IMPG1: variants seen among roughly 807,000 people sequenced by gnomAD.
The protein encoded by IMPG1 is interphotoreceptor matrix proteoglycan 1.
IMPG1 carries 85 observed loss-of-function variants against 92.0 expected under a neutral mutation model. The observed-to-expected ratio is 0.92, with a 90% CI of 0.78 to 1.11. The LOEUF (loss-of-function observed/expected upper bound fraction) is 1.11, where lower values mean the gene tolerates loss of function less well. Among genes scored for constraint, IMPG1 ranks in the 50% least tolerant of loss-of-function variants. The probability of loss-of-function intolerance (pLI) is 0.00; values close to 1 mark genes in which losing one functional copy is unlikely to be tolerated. For missense variants in IMPG1, 1,022 were observed against 956.0 expected (o/e 1.07, Z -0.91); for synonymous variants, 367 against 334.1 (o/e 1.10, Z -1.08).
In IMPG1 at chr6:76,072,536, T is replaced by A. The variant is rs972272746; in HGVS notation, c.-48A>T. The A allele has an allele frequency of 9.6e-7, 1 of 1,043,040 alleles. No homozygotes were observed. Among genetic ancestry groups the A allele is most frequent in the South Asian group, 1.4e-5 (1 of 71,282 alleles). The allele number at this position is 1,043,040 out of a possible 1,614,324, so 64.6% of individuals were successfully genotyped here. A position where few individuals can be genotyped will look rare whatever the true frequency, so the allele number is the denominator to read the frequency against. Reference sequence around the variant, plus strand: ...TTCTGATAACAATCACAGAACAACCTCAAATCTCATTAAAAAGTAACAGAA... The same window carrying A: ...TTCTGATAACAATCACAGAACAACCACAAATCTCATTAAAAAGTAACAGAA... On this transcript the variant is annotated 5_prime_UTR_variant, in exon 1 of 17. Transcript: ENST00000369950.
chr6:76,038,366 T>G (rs1401938602), intron 2 of IMPG1, among the ~76,000 whole-genome samples: 1 of 152,206 alleles, frequency 6.6e-6, no homozygotes, highest in Non-Finnish European at 1.5e-5. Flanking sequence ...ATGGGAATCA[T>G]AATGTTAAGG....
chr6:76,003,537 AAAT>A (rs1166647628), intron 11 of IMPG1, among the ~76,000 whole-genome samples: 3 of 152,210 alleles, frequency 2.0e-5, no homozygotes, highest in Non-Finnish European at 4.4e-5. Context: ...TCTGAAAGTC[AAAT>A]AATATGTTCT....
intron 7 of IMPG1, among the ~76,000 whole-genome samples, chr6:76,013,480 A>G (rs1041003283): frequency 1.3e-5 from 2 of 152,122 alleles, no homozygotes; most frequent in Non-Finnish European, 2.9e-5. Context: ...TTTCAAAGCC[A>G]GCTCAGACAT....
chr6:76,063,689 T>TGTG (rs1236398675), intron 1 of IMPG1, among the ~76,000 whole-genome samples: 1 of 152,196 alleles, frequency 6.6e-6, no homozygotes, highest in Non-Finnish European at 1.5e-5. Flanking sequence ...ATCTCAGCCC[T>TGTG]TGTGTTTCCA....
chr6:76,044,423 C>A (rs1048924922), intron 1 of IMPG1, among the ~76,000 whole-genome samples: 35 of 152,162 alleles, frequency 2.3e-4, no homozygotes, highest in African/African-American at 7.5e-4. Context: ...GCCTGCCCTT[C>A]TCCATTCTTC....
At chr6:76,067,709 AC>A (rs1379449672) in intron 1 of IMPG1, among the ~76,000 whole-genome samples, 1 of 152,132 alleles carries the variant, frequency 6.6e-6, no homozygotes, top group Non-Finnish European at 1.5e-5. Flanking sequence ...TCACCCTGAT[AC>A]CAAAGCCAGG....
chr6:75,981,680 C>T (rs1025221701), intron 12 of IMPG1, among the ~76,000 whole-genome samples: 1 of 152,194 alleles, frequency 6.6e-6, no homozygotes, highest in Non-Finnish European at 1.5e-5. Context: ...TAATCACTTC[C>T]TGCGTCAAAG....
chr6:76,058,732 T>C (rs1384002896), intron 1 of IMPG1, among the ~76,000 whole-genome samples: 2 of 152,158 alleles, frequency 1.3e-5, no homozygotes, highest in Admixed American at 6.6e-5. Context: ...GAATCAGATA[T>C]AAATATGACT....
chr6:76,038,615 A>C (rs970404944), intron 2 of IMPG1, among the ~76,000 whole-genome samples: 8 of 152,166 alleles, frequency 5.3e-5, no homozygotes, highest in Non-Finnish European at 1.0e-4. Flanking sequence ...AAAACTTCTC[A>C]AAATTGGATT....
chr6:75,987,215 T>C (rs774688620), intron 12 of IMPG1, among the ~76,000 whole-genome samples: 52 of 151,932 alleles, frequency 3.4e-4, no homozygotes, highest in Non-Finnish European at 6.6e-4. Context: ...GAGCTGAAAT[T>C]CAGCCAAGGC....
intron 12 of IMPG1, among the ~76,000 whole-genome samples, chr6:75,975,328 G>A (rs1184291602): frequency 6.6e-6 from 1 of 152,200 alleles, no homozygotes; most frequent in African/African-American, 2.4e-5. Context: ...AGTCAGTTCT[G>A]ATCAGGACAT....
chr6:75,980,171 T>C (rs894267057), intron 12 of IMPG1, among the ~76,000 whole-genome samples: 25 of 152,094 alleles, frequency 1.6e-4, no homozygotes, highest in Admixed American at 1.5e-3. Context: ...GAAGGAGAAA[T>C]TGGATTTATG....
chr6:75,974,372 TTTCTTTCTTTCTTTCTTTCTTTTC>T (rs1404176453), intron 12 of IMPG1, among the ~76,000 whole-genome samples: 3 of 103,082 alleles, frequency 2.9e-5, no homozygotes, highest in African/African-American at 1.0e-4. Flanking sequence ...TCTTTCTTTC[TTTCTTTCTTTCTTTCTTTCTTTTC>T]TTTCTTTCCT....
chr6:75,947,851 A>C (rs1781953645), intron 13 of IMPG1, among the ~76,000 whole-genome samples: 1 of 121,182 alleles, frequency 8.3e-6, no homozygotes, highest in Admixed American at 8.3e-5. Context: ...TGCCAAGTTC[A>C]GTTATTAAAA....
Position 76,015,538 on chromosome 6 carries a change from C to T in IMPG1, c.807+3180G>A, listed in dbSNP as rs537998620. On this transcript the variant is annotated intron_variant, in intron 7 of 16. Coordinates refer to ENST00000369950, the MANE Select transcript of IMPG1 (RefSeq NM_001563.4). Reference sequence around the variant, plus strand: ...CCATTTGGCTGGGTGCGGTAGCTCACGCCTGTAATCCCAGCACTTTGGGAG... The same window carrying T: ...CCATTTGGCTGGGTGCGGTAGCTCATGCCTGTAATCCCAGCACTTTGGGAG... Among the ~76,000 whole-genome samples, 12 of 152,136 alleles carry T rather than the reference C, an allele frequency of 7.9e-5. No individual in the cohort carries two copies. In the South Asian group the frequency reaches 2.3e-3, roughly 29 times the overall value.
intron 1 of IMPG1, among the ~76,000 whole-genome samples, chr6:76,069,423 C>T (rs9447599): frequency 0.012 from 1,862 of 152,092 alleles, 40 homozygotes; most frequent in African/African-American, 0.042. Context: ...AAATATTCAA[C>T]GGAGTAAATA....
chr6:76,013,623 C>T (rs951227304), intron 7 of IMPG1, among the ~76,000 whole-genome samples: 4 of 152,172 alleles, frequency 2.6e-5, no homozygotes, highest in Middle Eastern at 3.2e-3. Context: ...TCACCGAGAT[C>T]ATGCTCCTTG....
chr6:75,953,032 CT>C (rs1276200279), intron 12 of IMPG1, among the ~76,000 whole-genome samples: 2 of 152,112 alleles, frequency 1.3e-5, no homozygotes, highest in Non-Finnish European at 2.9e-5. Flanking sequence ...TTTGATTTGA[CT>C]TTTTTTGTGT....
intron 5 of IMPG1, among the ~76,000 whole-genome samples, chr6:76,023,822 G>A (rs1783476839): frequency 6.6e-6 from 1 of 152,068 alleles, no homozygotes. Context: ...ATCTAATCTT[G>A]TTATTACAAA....
Sources: allele counts gnomAD v4.1 joint callset (sites outside exome capture counted in the v4.1 genomes callset), GRCh38; gene constraint gnomAD v4.1.1; transcripts MANE v1.5; gene names NCBI Gene and HGNC (gene_info 2026-07-23, HGNC 2026-07-21).